ATRAID: variants seen among roughly 807,000 people sequenced by gnomAD.
ATRAID encodes all-trans retinoic acid induced differentiation factor, also known as all-trans retinoic acid-induced differentiation factor.
A neutral mutation model predicts 28.8 loss-of-function variants in ATRAID; 26 were observed. That is an observed-to-expected ratio of 0.90 (90% CI 0.66 to 1.25). The LOEUF (loss-of-function observed/expected upper bound fraction) is 1.25, where lower values mean the gene tolerates loss of function less well. ATRAID is among the 50% of genes most tolerant of loss of function. ATRAID has a pLI of 0.00. For missense variants in ATRAID, 308 were observed against 285.9 expected (o/e 1.08, Z -0.56); for synonymous variants, 131 against 108.5 (o/e 1.21, Z -1.29).
intron 1 of ATRAID, chr2:27,212,669 A>G: frequency 2.2e-6 from 3 of 1,374,502 alleles, no homozygotes; most frequent in East Asian, 5.6e-5. Context: ...CCGACTTTCA[A>G]AGACCTGTGA....
At chr2:27,214,579 C>T (rs566506067) in intron 2 of ATRAID, among the ~76,000 whole-genome samples, 88 of 152,290 alleles carry the variant, frequency 5.8e-4, no homozygotes, top group African/African-American at 2.0e-3. Context: ...CCGAGCCAGG[C>T]GCGGTGGCTC....
At chr2:27,215,265 C>T in intron 2 of ATRAID, 56 bp from the exon 3 acceptor site, 2 of 1,550,720 alleles carry the variant, frequency 1.3e-6, no homozygotes, top group Non-Finnish European at 1.8e-6. Flanking sequence ...ACAAACTGTG[C>T]CGTGGCTGAA....
At position 27,212,400 on chromosome 2, in the gene ATRAID, C is replaced by A; in HGVS notation, c.32C>A (p.Thr11Asn). The change falls in exon 1 of 7, where the codon ACC becomes AAC. Residue 11 changes from threonine to asparagine, a missense_variant. Physicochemically the swap from Thr to Asn is moderately conservative, Grantham distance 65 (BLOSUM62 0). Transcript: ENST00000380171. MAPHDPGSLT[T>N]LVPWAAALLL... ...CCTCACGACCCGGGTAGTCTTACGA[C>A]CCTGGTGCCCTGGGCTGCCGCCCTG... 1 of 1,551,502 alleles carries A rather than the reference C, an allele frequency of 6.4e-7. No homozygotes were observed. The highest frequency in any genetic ancestry group is 2.4e-5 in the East Asian group (1 of 41,016).
At position 27,212,273 on chromosome 2, in the gene ATRAID, C is replaced by G. The variant is rs1237766802; in HGVS notation, c.-96C>G. The G allele has an allele frequency of 6.4e-7, 1 of 1,555,328 alleles. No homozygotes were observed. Among genetic ancestry groups the G allele is most frequent in the Non-Finnish European group, 8.7e-7 (1 of 1,149,800 alleles). ...CAGCCCCAGGGCGACTGGACCGGGCCGCTTAGGCCACGCCCGGGGAAGAGG... is the reference window on the plus strand; with the variant it reads ...CAGCCCCAGGGCGACTGGACCGGGCGGCTTAGGCCACGCCCGGGGAAGAGG... On this transcript the variant is annotated 5_prime_UTR_variant, in exon 1 of 7. Transcript: ENST00000380171.
At chr2:27,214,843 C>T (rs1674761327) in intron 2 of ATRAID, among the ~76,000 whole-genome samples, 1 of 152,210 alleles carries the variant, frequency 6.6e-6, no homozygotes, top group Admixed American at 6.5e-5. Context: ...CAGAGTAAGA[C>T]TGTCTCAAAA....
Position 27,212,251 on chromosome 2 carries a change from C to A in ATRAID, c.-118C>A, listed in dbSNP as rs746726954. 1 of 1,560,748 alleles carries A rather than the reference C, an allele frequency of 6.4e-7. No individual in the cohort carries two copies. Among genetic ancestry groups the A allele is most frequent in the Non-Finnish European group, 8.7e-7 (1 of 1,152,912 alleles). On this transcript the variant is annotated 5_prime_UTR_variant, in exon 1 of 7. Coordinates refer to ENST00000380171, the MANE Select transcript of ATRAID (RefSeq NM_001170795.4). ...ACGAGCAGGAAAAGCCCCCAAGCAG[C>A]CCCAGGGCGACTGGACCGGGCCGCT...
At chr2:27,216,500 C>T (rs981542598) in intron 5 of ATRAID, 23 bp from the exon 6 acceptor site, 24 of 1,538,450 alleles carry the variant, frequency 1.6e-5, no homozygotes, top group Non-Finnish European at 2.2e-5. Flanking sequence ...AAGTGATGTT[C>T]TCTATTTCTC....
chr2:27,212,195 C>G lies in ATRAID; in HGVS notation c.-174C>G. The G allele has an allele frequency of 6.4e-7, 1 of 1,551,532 alleles. No homozygotes were observed. ...GTCGGCCAGTATCCCCGAAAGAGGG[C>G]TAGGGCGCATGAAGACCAGCGCAGA... On this transcript the variant is annotated 5_prime_UTR_variant, in exon 1 of 7. Coordinates refer to ENST00000380171, the MANE Select transcript of ATRAID (RefSeq NM_001170795.4).
In ATRAID at chr2:27,215,773, A is replaced by G. The variant is rs1329719816; in HGVS notation, c.487+20A>G. On this transcript the variant is annotated intron_variant, in intron 5 of 6. Transcript: ENST00000380171. ...ACCCAGGTATGCTGTCTTACCTCCA[A>G]ACTTCTGGGAATTGTCTTTTCTCCC... 25 of 1,609,708 alleles carry G rather than the reference A, an allele frequency of 1.6e-5. No homozygotes were observed. Among genetic ancestry groups the G allele is most frequent in the Middle Eastern group, 1.6e-4 (1 of 6,066 alleles).
chr2:27,213,069 G>T, intron 1 of ATRAID, 108 bp from the exon 2 acceptor site: 1 of 1,402,574 alleles, frequency 7.1e-7, no homozygotes, highest in Non-Finnish European at 9.8e-7. Flanking sequence ...TATCGGCCCC[G>T]TGTTAGAGGA....
At position 27,212,351 on chromosome 2, in the gene ATRAID, G is replaced by T. The variant is rs1474096660; in HGVS notation, c.-18G>T. On this transcript the variant is annotated 5_prime_UTR_variant, in exon 1 of 7. Coordinates refer to ENST00000380171, the MANE Select transcript of ATRAID (RefSeq NM_001170795.4). ...GGGGCCGGGTCGCGCGAGCAGCGGA[G>T]CACCAAGGGAACGGAAAATGGCGCC... 1 of 1,550,152 alleles carries T rather than the reference G, an allele frequency of 6.5e-7. No homozygotes were observed.
At chr2:27,213,443 AGT>A in intron 2 of ATRAID, 145 bp downstream of exon 2, 1 of 1,121,708 alleles carries the variant, frequency 8.9e-7, no homozygotes, top group South Asian at 1.9e-5. Context: ...AGATCTCTTT[AGT>A]GTCTTTTTTA....
rs1298692888 is a variant in ATRAID at position 27,212,305 on chromosome 2, C to T, written c.-64C>T. ...GCCACGCCCGGGGAAGAGGGCCTGA[C>T]GCGCTGCGGGGCGGGGCCGCGGGGC... On this transcript the variant is annotated 5_prime_UTR_variant, in exon 1 of 7. In the 5' UTR this introduces an upstream ATG that the reference lacks. Transcript: ENST00000380171. The T allele has an allele frequency of 4.5e-6, 7 of 1,550,134 alleles. No individual in the cohort carries two copies. Among genetic ancestry groups the T allele is most frequent in the South Asian group, 2.4e-5 (2 of 84,082 alleles).
In ATRAID at chr2:27,212,199, G is replaced by C; in HGVS notation, c.-170G>C. On this transcript the variant is annotated 5_prime_UTR_variant, in exon 1 of 7. Coordinates refer to ENST00000380171, the MANE Select transcript of ATRAID (RefSeq NM_001170795.4). ...GCCAGTATCCCCGAAAGAGGGCTAG[G>C]GCGCATGAAGACCAGCGCAGAGCTC... 6.4e-7 allele frequency: 1 copy of C among 1,553,606 alleles called. No homozygotes were observed. The highest frequency in any genetic ancestry group is 2.0e-5 in the Admixed American group (1 of 50,660).
intron 2 of ATRAID, among the ~76,000 whole-genome samples, chr2:27,214,170 G>A (rs77886733): frequency 0.063 from 9,608 of 152,076 alleles, 392 homozygotes; most frequent in African/African-American, 0.11. Context: ...TTTTATTTTT[G>A]GGCAGTGCTC....
chr2:27,212,983 G>T (rs1195815336), intron 1 of ATRAID, 194 bp from the exon 2 acceptor site: 7 of 654,430 alleles, frequency 1.1e-5, no homozygotes, highest in Admixed American at 3.1e-5. Flanking sequence ...CTGATTCGGC[G>T]CAGGACTCTG....
In ATRAID at chr2:27,212,043, G is replaced by GT. The variant is rs986355082; in HGVS notation, c.-323dup. 2.2e-5 allele frequency: 21 copies of GT among 963,690 alleles called. No individual in the cohort carries two copies. The Admixed American group carries it at 2.9e-4, about 13-fold the overall frequency. 59.7% of individuals were successfully genotyped at this position (963,690 alleles called of 1,614,324 possible). The stretch of plus-strand genomic sequence containing the variant: ...ACTGAGGGCGGATGGAGGGGCCCGA[G>GT]TTTCTGCGAAGCCGCGACCTCGGCG... On this transcript the variant is annotated 5_prime_UTR_variant, in exon 1 of 7. Coordinates refer to ENST00000380171, the MANE Select transcript of ATRAID (RefSeq NM_001170795.4).
chr2:27,212,434 T>G lies in ATRAID; in HGVS notation c.66T>G (p.Ala22=), dbSNP rs1184624636. 5 of 1,560,030 alleles carry G rather than the reference T, an allele frequency of 3.2e-6. No homozygotes were observed. The South Asian group carries it at 5.9e-5, about 18-fold the overall frequency. ...LVPWAAALLL[A]LGVERALALP... ...CCTGGGCTGCCGCCCTGCTCCTCGCTCTGGGCGTGGAAAGGGCTCTGGCGC... is the reference window on the plus strand; with the variant it reads ...CCTGGGCTGCCGCCCTGCTCCTCGCGCTGGGCGTGGAAAGGGCTCTGGCGC... The change falls in exon 1 of 7, where the codon GCT becomes GCG. Residue 22 remains alanine (A), a synonymous_variant. Transcript: ENST00000380171.
chr2:27,214,681 G>A lies in ATRAID; in HGVS notation c.222-640G>A, dbSNP rs937480676. ...AGCCTGACCAACATGGTGAAACCCC[G>A]TCTCTACTAAAAATACAAAAATTAG... On this transcript the variant is annotated intron_variant, in intron 2 of 6. Transcript: ENST00000380171. 4.6e-5 allele frequency among the ~76,000 whole-genome samples: 7 copies of A among 152,192 alleles called. 1 individual carries two copies. The South Asian group carries it at 1.2e-3, about 27-fold the overall frequency.
Sources: gnomAD v4.1 joint callset for allele counts (sites outside exome capture counted in the v4.1 genomes callset) on GRCh38, gnomAD v4.1.1 for gene constraint, MANE v1.5 for transcripts, NCBI Gene and HGNC (gene_info 2026-07-23, HGNC 2026-07-21) for gene names.